Variants in FRAS1 observed in about 807,000 individuals in gnomAD.
The protein encoded by FRAS1 is Fraser extracellular matrix complex subunit 1, also known as extracellular matrix organizing protein FRAS1.
A neutral mutation model predicts 435.2 loss-of-function variants in FRAS1; 290 were observed. The observed-to-expected ratio is 0.67, with a 90% CI of 0.61 to 0.73. FRAS1 has a LOEUF of 0.73. FRAS1 is among the 30% of genes least tolerant of loss of function. The probability of loss-of-function intolerance (pLI) is 0.00; values close to 1 mark genes in which losing one functional copy is unlikely to be tolerated. For missense variants in FRAS1, 4,860 were observed against 5,001.5 expected, an observed-to-expected ratio of 0.97 and a Z score of 0.85; for synonymous variants, 1,800 against 1,851.0, an observed-to-expected ratio of 0.97 and a Z score of 0.71.
chr4:78,450,199 A>T lies in FRAS1; in HGVS notation c.6323A>T (p.Asp2108Val), dbSNP rs921444831. ...CAGCACTTGAAAGTGACAGATATTG[A>T]CTCAGATGACCATCAGGTTATGTAC... Reference protein sequence around the residue: ...TEQHLKVTDIDSDDHQVMYIM... With the variant: ...TEQHLKVTDIVSDDHQVMYIM... Residue 2108 changes from aspartate (D) to valine (V), a missense_variant, in exon 45 of 74, where the codon GAC becomes GTC. Asp to Val is a radical substitution (Grantham distance 152). Transcript: ENST00000512123. 8.7e-6 allele frequency: 14 copies of T among 1,613,666 alleles called. No individual in the cohort carries two copies. Among genetic ancestry groups the T allele is most frequent in the East Asian group, 2.2e-5 (1 of 44,902 alleles).
intron 14 of FRAS1, among the ~76,000 whole-genome samples, chr4:78,290,043 T>A (rs1727811468): frequency 6.6e-6 from 1 of 152,178 alleles, no homozygotes; most frequent in Non-Finnish European, 1.5e-5. Context: ...TCAATCAGCC[T>A]CTGTTCCACT....
At chr4:78,368,018 T>C (rs555395956) in intron 22 of FRAS1, among the ~76,000 whole-genome samples, 2 of 152,296 alleles carry the variant, frequency 1.3e-5, no homozygotes, top group Admixed American at 6.5e-5. Context: ...AGTATGCTTT[T>C]CAACCACCTT....
chr4:78,269,139 A>G (rs1036845500), intron 9 of FRAS1, among the ~76,000 whole-genome samples: 1 of 152,216 alleles, frequency 6.6e-6, no homozygotes, highest in Non-Finnish European at 1.5e-5. Context: ...TGACCTTGTT[A>G]AAGCCTGGAT....
In FRAS1 at chr4:78,349,638, G is replaced by T. The variant is rs1449979043; in HGVS notation, c.2422+11821G>T. Among the ~76,000 whole-genome samples, 32 of 8,672 alleles carry T rather than the reference G, an allele frequency of 3.7e-3. 4 individuals carry two copies. The South Asian group carries it at 0.058, about 16-fold the overall frequency. 5.7% of individuals were successfully genotyped at this position (8,672 alleles called of 152,430 possible). A position where few individuals can be genotyped will look rare whatever the true frequency, so the allele number is the denominator to read the frequency against. ...AAGGAAAGCCCATCAGACTAACAGC[G>T]GATCTCTCGGCAGAAACCCTACAAG... On this transcript the variant is annotated intron_variant, in intron 20 of 73. Transcript: ENST00000512123.
chr4:78,273,889 G>C (rs1456059332), intron 9 of FRAS1, among the ~76,000 whole-genome samples: 1 of 152,174 alleles, frequency 6.6e-6, no homozygotes, highest in Non-Finnish European at 1.5e-5. Flanking sequence ...AGAAGGAATG[G>C]TACCAGCTCC....
intron 2 of FRAS1, among the ~76,000 whole-genome samples, chr4:78,163,912 C>T: frequency 6.6e-6 from 1 of 152,206 alleles, no homozygotes; most frequent in East Asian, 1.9e-4. Context: ...ATGGCCACAT[C>T]TGACAAAGAT....
At chr4:78,058,392 A>G (rs1356784071) in intron 1 of FRAS1, among the ~76,000 whole-genome samples, 5 of 152,030 alleles carry the variant, frequency 3.3e-5, no homozygotes. Flanking sequence ...TCTTTCCACC[A>G]CCTACCTTTC....
At chr4:78,256,099 C>A (rs139326393) in intron 6 of FRAS1, among the ~76,000 whole-genome samples, 1,646 of 152,260 alleles carry the variant, frequency 0.011, 10 homozygotes, top group Non-Finnish European at 0.016. Flanking sequence ...AGCCAACATT[C>A]AGTTGATACA....
At chr4:78,221,097 G>A (rs1221619666) in intron 2 of FRAS1, among the ~76,000 whole-genome samples, 1 of 152,160 alleles carries the variant, frequency 6.6e-6, no homozygotes, top group Non-Finnish European at 1.5e-5. Flanking sequence ...GAGCCCAGGA[G>A]GCAGAGATTG....
chr4:78,184,476 G>A (rs1336044660), intron 2 of FRAS1, among the ~76,000 whole-genome samples: 1 of 152,190 alleles, frequency 6.6e-6, no homozygotes, highest in Non-Finnish European at 1.5e-5. Flanking sequence ...GGCAAGACAA[G>A]TATAGGCAGT....
intron 14 of FRAS1, among the ~76,000 whole-genome samples, chr4:78,301,096 CT>C (rs1239232477): frequency 6.6e-6 from 1 of 152,158 alleles, no homozygotes; most frequent in Non-Finnish European, 1.5e-5. Flanking sequence ...GATATCCTTC[CT>C]TCTGCCTCCA....
At chr4:78,486,981 T>C (rs1030304095) in intron 58 of FRAS1, among the ~76,000 whole-genome samples, 1 of 152,184 alleles carries the variant, frequency 6.6e-6, no homozygotes, top group African/African-American at 2.4e-5. Context: ...AGCCTTTAAC[T>C]TTCTCATCTG....
In FRAS1 at chr4:78,247,634, A is replaced by G. The variant is rs188752374; in HGVS notation, c.309+2309A>G. Among the ~76,000 whole-genome samples, 335 of 152,220 alleles carry G rather than the reference A, an allele frequency of 2.2e-3. 4 individuals are homozygous for G. Among genetic ancestry groups the G allele is most frequent in the East Asian group, 4.1e-3 (21 of 5,158 alleles). ...TCTGGTCTGGTCTGGGTCTCACCTCATCACTTGCATCACTAGTTTTGTTTG... is the reference window on the plus strand; with the variant it reads ...TCTGGTCTGGTCTGGGTCTCACCTCGTCACTTGCATCACTAGTTTTGTTTG... On this transcript the variant is annotated intron_variant, in intron 4 of 73. Transcript: ENST00000512123.
intron 20 of FRAS1, chr4:78,338,057 T>A (rs1730246773): frequency 4.2e-6 from 2 of 472,702 alleles, no homozygotes; most frequent in South Asian, 2.3e-5. Flanking sequence ...CTCATATTAA[T>A]GAAGAATGAA....
At chr4:78,513,628 G>T in intron 65 of FRAS1, 76 bp downstream of exon 65, 1 of 1,333,986 alleles carries the variant, frequency 7.5e-7, no homozygotes, top group African/African-American at 1.4e-5. Flanking sequence ...GCCAGAGTGA[G>T]AACTGCTTTT....
rs955647050 is a variant in FRAS1, at chr4:78,393,518, C to G, written c.3975+5817C>G. Among the ~76,000 whole-genome samples the G allele has an allele frequency of 2.6e-5, 4 of 152,062 alleles. No homozygotes were observed. In the South Asian group the frequency reaches 8.3e-4, roughly 32 times the overall value. On this transcript the variant is annotated intron_variant, in intron 29 of 73. Transcript: ENST00000512123. The stretch of plus-strand genomic sequence containing the variant: ...GGCTATTTCAGATTCCACATATAAG[C>G]AAGATCATGTAGTTACTGTCTTTCT...
At chr4:78,192,243 T>C (rs558493350) in intron 2 of FRAS1, among the ~76,000 whole-genome samples, 7 of 152,160 alleles carry the variant, frequency 4.6e-5, no homozygotes, top group Non-Finnish European at 1.0e-4. Flanking sequence ...TAAAATTGTC[T>C]TTTTTGGTTG....
chr4:78,415,489 C>T (rs2110363295), intron 32 of FRAS1, among the ~76,000 whole-genome samples: 1 of 152,238 alleles, frequency 6.6e-6, no homozygotes, highest in African/African-American at 2.4e-5. Flanking sequence ...TAAAGAGTTT[C>T]CAGGTAATGC....
chr4:78,223,139 G>T (rs1029634830), intron 2 of FRAS1, among the ~76,000 whole-genome samples: 1 of 152,206 alleles, frequency 6.6e-6, no homozygotes, highest in Non-Finnish European at 1.5e-5. Context: ...GGATTGCTTG[G>T]TCTGAGTACT....
Sources: gnomAD v4.1 joint callset for allele counts (sites outside exome capture counted in the v4.1 genomes callset) on GRCh38, gnomAD v4.1.1 for gene constraint, MANE v1.5 for transcripts, NCBI Gene and HGNC (gene_info 2026-07-23, HGNC 2026-07-21) for gene names.